Variants in SOS2 observed in about 807,000 individuals in gnomAD.
SOS2 encodes son of sevenless homolog 2.
SOS2 carries 65 observed loss-of-function variants against 148.2 expected under a neutral mutation model. The observed-to-expected ratio is 0.44, with a 90% CI of 0.36 to 0.54. The LOEUF is 0.54. Ranked by LOEUF, SOS2 falls within the 20% of genes least tolerant of loss-of-function variation. The pLI is 0.00. For missense variants in SOS2, 1,341 were observed against 1,590.2 expected, an observed-to-expected ratio of 0.84 and a Z score of 2.67; for synonymous variants, 539 against 537.1, an observed-to-expected ratio of 1.00 and a Z score of -0.05.
At chr14:50,214,986 C>T (rs1046266592) in intron 1 of SOS2, among the ~76,000 whole-genome samples, 3 of 151,638 alleles carry the variant, frequency 2.0e-5, no homozygotes, top group African/African-American at 4.9e-5. Flanking sequence ...TAGGTGCCCA[C>T]GGCCATGCCC....
intron 8 of SOS2, among the ~76,000 whole-genome samples, chr14:50,172,501 C>A (rs560348125): frequency 7.3e-6 from 1 of 136,898 alleles, no homozygotes; most frequent in Admixed American, 8.4e-5. Flanking sequence ...GCTGGGATTA[C>A]AGGCATGTGC....
intron 18 of SOS2, among the ~76,000 whole-genome samples, chr14:50,137,885 G>T (rs1259420441): frequency 6.6e-6 from 1 of 152,174 alleles, no homozygotes; most frequent in African/African-American, 2.4e-5. Context: ...TGTCACCCAG[G>T]CTGGAAGGCA....
intron 4 of SOS2, among the ~76,000 whole-genome samples, chr14:50,196,160 G>C (rs1490832670): frequency 6.6e-6 from 1 of 152,210 alleles, no homozygotes; most frequent in Non-Finnish European, 1.5e-5. Flanking sequence ...AGGGAAGGGG[G>C]ACAAAACCTC....
intron 21 of SOS2, 64 bp downstream of exon 21, chr14:50,129,895 AAT>A (rs1555368261): frequency 1.1e-5 from 11 of 988,312 alleles, no homozygotes; most frequent in Non-Finnish European, 1.7e-5. Context: ...AAAATACTCA[AAT>A]ATAATCAACC....
rs144561506 is a variant in SOS2 at position 50,124,833 on chromosome 14, T to C, written c.3380-4449A>G. On this transcript the variant is annotated intron_variant, in intron 21 of 22. Coordinates refer to ENST00000216373, the MANE Select transcript of SOS2 (RefSeq NM_006939.4). ...CATTTCATCTGAGTACTTTTCATACTTGCTATGAATATTTTATTTTCTTTG... is the reference window on the plus strand; with the variant it reads ...CATTTCATCTGAGTACTTTTCATACCTGCTATGAATATTTTATTTTCTTTG... 1.0e-3 allele frequency among the ~76,000 whole-genome samples: 158 copies of C among 152,370 alleles called. 1 individual carries two copies. The East Asian group carries it at 0.017, about 16-fold the overall frequency.
chr14:50,169,866 G>A (rs773972812), intron 8 of SOS2, among the ~76,000 whole-genome samples: 16 of 151,506 alleles, frequency 1.1e-4, no homozygotes, highest in Non-Finnish European at 1.9e-4. Context: ...TCAAATTTAA[G>A]CCCCATAAGG....
At chr14:50,219,093 C>T (rs1255325598) in intron 1 of SOS2, among the ~76,000 whole-genome samples, 1 of 149,146 alleles carries the variant, frequency 6.7e-6, no homozygotes, top group Non-Finnish European at 1.5e-5. Flanking sequence ...AGCCTGGCAA[C>T]AGAGCAAGAT....
chr14:50,219,189 T>C (rs1293477430), intron 1 of SOS2, among the ~76,000 whole-genome samples: 1 of 152,220 alleles, frequency 6.6e-6, no homozygotes, highest in Non-Finnish European at 1.5e-5. Flanking sequence ...TTTCCATTCT[T>C]TGTATTGAAA....
Position 50,198,435 on chromosome 14 carries a change from C to A in SOS2, c.510+1256G>T, listed in dbSNP as rs544854397. On this transcript the variant is annotated intron_variant, in intron 4 of 22. Coordinates refer to ENST00000216373, the MANE Select transcript of SOS2 (RefSeq NM_006939.4). ...TGCTACCATGATGTAAGTGAAAAGT[C>A]ATTTCTGAAATTATGGCATCGTACA... Among the ~76,000 whole-genome samples the A allele has an allele frequency of 5.7e-4, 87 of 151,980 alleles. No homozygotes were observed. The South Asian group carries it at 6.2e-3, about 11-fold the overall frequency.
At chr14:50,125,427 T>C (rs1883650091) in intron 21 of SOS2, among the ~76,000 whole-genome samples, 1 of 152,240 alleles carries the variant, frequency 6.6e-6, no homozygotes, top group African/African-American at 2.4e-5. Flanking sequence ...ACTCAGTTTG[T>C]GGTGCTTTGT....
At chr14:50,226,471 G>A (rs899629154) in intron 1 of SOS2, among the ~76,000 whole-genome samples, 2 of 152,190 alleles carry the variant, frequency 1.3e-5, no homozygotes, top group African/African-American at 4.8e-5. Flanking sequence ...TAGGATCTCA[G>A]TAGAACTTCA....
At chr14:50,183,870 C>T (rs1331318035) in intron 5 of SOS2, among the ~76,000 whole-genome samples, 1 of 152,120 alleles carries the variant, frequency 6.6e-6, no homozygotes, top group Admixed American at 6.6e-5. Flanking sequence ...TGCTTAAAGA[C>T]GGGTATGTTC....
intron 4 of SOS2, among the ~76,000 whole-genome samples, chr14:50,190,190 A>T (rs577479469): frequency 2.0e-5 from 3 of 151,974 alleles, no homozygotes; most frequent in South Asian, 2.1e-4. Flanking sequence ...ACTTTTTTTT[A>T]AAAAAAATGA....
intron 1 of SOS2, among the ~76,000 whole-genome samples, chr14:50,220,986 G>A (rs1468367266): frequency 2.0e-5 from 3 of 152,120 alleles, no homozygotes; most frequent in Admixed American, 6.5e-5. Flanking sequence ...TTTGCAGAAC[G>A]TGAAATTTTA....
At chr14:50,203,299 C>G (rs1486886843) in intron 2 of SOS2, among the ~76,000 whole-genome samples, 1 of 152,038 alleles carries the variant, frequency 6.6e-6, no homozygotes, top group Non-Finnish European at 1.5e-5. Flanking sequence ...ACCTGGGTAG[C>G]TGAGGTTGCA....
intron 6 of SOS2, among the ~76,000 whole-genome samples, chr14:50,182,175 C>T (rs1160709600): frequency 6.6e-6 from 1 of 151,968 alleles, no homozygotes; most frequent in Non-Finnish European, 1.5e-5. Context: ...GTGGTATCTT[C>T]TAATTTTCAT....
rs1388691545 is a variant in SOS2 at position 50,150,216 on chromosome 14, T to C, written c.2176A>G (p.Lys726Glu). 6.2e-7 allele frequency: 1 copy of C among 1,607,474 alleles called. No homozygotes were observed. The highest frequency in any genetic ancestry group is 8.5e-7 in the Non-Finnish European group (1 of 1,174,092). Residue 726 changes from lysine to glutamate, a missense_variant, in exon 14 of 23, where the codon AAA (lysine) becomes GAA (glutamate). By Grantham distance (56) the Lys-to-Glu change is moderately conservative. Transcript: ENST00000216373. ...ISSVRGKAMKKWVESIAKIIR... is the reference protein window; with the variant it reads ...ISSVRGKAMKEWVESIAKIIR... ...ATCTTAGCAATTGACTCTACCCATT[T>C]TTTCATAGCTTTCCCTGGAAAAAGA...
intron 1 of SOS2, among the ~76,000 whole-genome samples, chr14:50,208,452 C>T (rs994945411): frequency 1.3e-5 from 2 of 151,918 alleles, no homozygotes; most frequent in Non-Finnish European, 2.9e-5. Context: ...AGTTTGAGAC[C>T]ACCCTGGCCA....
chr14:50,223,384 A>T (rs576733654), intron 1 of SOS2, among the ~76,000 whole-genome samples: 25 of 152,096 alleles, frequency 1.6e-4, no homozygotes, highest in Admixed American at 6.6e-4. Context: ...AAAGTTTTTT[A>T]AAAATTGGGG....
Sources: gnomAD v4.1 joint callset for allele counts (sites outside exome capture counted in the v4.1 genomes callset) on GRCh38, gnomAD v4.1.1 for gene constraint, MANE v1.5 for transcripts, NCBI Gene and HGNC (gene_info 2026-07-23, HGNC 2026-07-21) for gene names.